The following SCD5 variants were observed in gnomAD, a reference collection of about 807,000 sequenced individuals.
The protein encoded by SCD5 is stearoyl-CoA desaturase 5.
SCD5 carries 20 observed loss-of-function variants against 30.4 expected under a neutral mutation model. That is an observed-to-expected ratio of 0.66 (90% CI 0.46 to 0.96). The LOEUF is 0.96. Among genes scored for constraint, SCD5 ranks in the 40% least tolerant of loss-of-function variants. The pLI is 0.00. For missense variants in SCD5, 381 were observed against 443.3 expected (o/e 0.86, Z 1.26); for synonymous variants, 173 against 176.4 (o/e 0.98, Z 0.16).
chr4:82,653,912 A>G (rs1727814133), intron 3 of SCD5, among the ~76,000 whole-genome samples: 2 of 143,914 alleles, frequency 1.4e-5, no homozygotes, highest in African/African-American at 5.3e-5. Flanking sequence ...AGTTGAGTCA[A>G]TGAGTATTTT....
chr4:82,741,086 C>T (rs1454893707), intron 1 of SCD5, among the ~76,000 whole-genome samples: 2 of 144,470 alleles, frequency 1.4e-5, no homozygotes, highest in Non-Finnish European at 3.0e-5. Context: ...GGACTACAGG[C>T]GTGTGCCAGC....
chr4:82,727,571 T>C (rs1461093041), intron 1 of SCD5, among the ~76,000 whole-genome samples: 7 of 152,192 alleles, frequency 4.6e-5, no homozygotes, highest in Admixed American at 1.3e-4. Flanking sequence ...AGCAATGGTC[T>C]TTCTCCTTGG....
intron 1 of SCD5, among the ~76,000 whole-genome samples, chr4:82,739,458 G>A (rs1190994945): frequency 6.6e-6 from 1 of 152,266 alleles, no homozygotes; most frequent in African/African-American, 2.4e-5. Flanking sequence ...GGTGCCAGCA[G>A]TGTGGGTGCA....
chr4:82,724,921 C>T (rs1207822957), intron 1 of SCD5, among the ~76,000 whole-genome samples: 1 of 152,150 alleles, frequency 6.6e-6, no homozygotes, highest in African/African-American at 2.4e-5. Flanking sequence ...TCCTAATGAA[C>T]ATAATAAAGG....
At chr4:82,733,531 C>A (rs1474490763) in intron 1 of SCD5, among the ~76,000 whole-genome samples, 1 of 152,148 alleles carries the variant, frequency 6.6e-6, no homozygotes, top group Non-Finnish European at 1.5e-5. Flanking sequence ...GTGCCTGATA[C>A]ACATCATGTC....
intron 1 of SCD5, among the ~76,000 whole-genome samples, chr4:82,712,963 T>G (rs945192155): frequency 1.3e-5 from 2 of 152,214 alleles, no homozygotes; most frequent in Admixed American, 6.5e-5. Flanking sequence ...TGTTGGAGAC[T>G]GCAAGCTGAG....
At chr4:82,656,274 C>T (rs932717943) in intron 3 of SCD5, among the ~76,000 whole-genome samples, 12 of 152,068 alleles carry the variant, frequency 7.9e-5, no homozygotes, top group African/African-American at 2.9e-4. Flanking sequence ...CCCCAACAGG[C>T]CAGGGTGTGT....
Position 82,629,748 on chromosome 4 carries a change from A to G in SCD5, c.*1579T>C, listed in dbSNP as rs1727248739. Reference sequence around the variant, plus strand: ...CAAAGTGCTCCAATACTAACACTATAAGCCCTTTCTTTTGCTCTAACATCT... The same window carrying G: ...CAAAGTGCTCCAATACTAACACTATGAGCCCTTTCTTTTGCTCTAACATCT... On this transcript the variant is annotated 3_prime_UTR_variant, in exon 5 of 5. Coordinates refer to ENST00000319540, the MANE Select transcript of SCD5 (RefSeq NM_001037582.3). The G allele has an allele frequency of 6.6e-6, 1 of 152,228 alleles. No homozygotes were observed. Among genetic ancestry groups the G allele is most frequent in the Non-Finnish European group, 1.5e-5 (1 of 68,040 alleles). 9.4% of individuals were successfully genotyped at this position (152,228 alleles called of 1,614,324 possible).
intron 3 of SCD5, among the ~76,000 whole-genome samples, chr4:82,668,882 A>G (rs1413046734): frequency 1.3e-5 from 2 of 152,254 alleles, no homozygotes; most frequent in South Asian, 2.1e-4. Flanking sequence ...CTCATCATCC[A>G]GGGTCTCTCC....
intron 1 of SCD5, among the ~76,000 whole-genome samples, chr4:82,797,578 G>A (rs1002987459): frequency 1.3e-5 from 2 of 152,012 alleles, no homozygotes. Context: ...GGCCACATGG[G>A]AACAGGGTTT....
chr4:82,729,578 G>A (rs1720582948), intron 1 of SCD5, among the ~76,000 whole-genome samples: 1 of 151,986 alleles, frequency 6.6e-6, no homozygotes, highest in Non-Finnish European at 1.5e-5. Flanking sequence ...ACGGAAGGGG[G>A]GAAAGAGATA....
intron 1 of SCD5, among the ~76,000 whole-genome samples, chr4:82,786,518 G>A (rs974192313): frequency 6.5e-4 from 99 of 152,098 alleles, no homozygotes; most frequent in African/African-American, 2.2e-3. Flanking sequence ...GGCAATCTTC[G>A]GCCAGGCGCA....
intron 1 of SCD5, among the ~76,000 whole-genome samples, chr4:82,712,198 G>A (rs1344758111): frequency 6.4e-5 from 8 of 124,206 alleles, no homozygotes; most frequent in Non-Finnish European, 1.3e-4. Flanking sequence ...CAGGACCCCA[G>A]CCCAAGAGAT....
chr4:82,708,613 A>G (rs1233542940), intron 1 of SCD5, among the ~76,000 whole-genome samples: 1 of 152,190 alleles, frequency 6.6e-6, no homozygotes, highest in African/African-American at 2.4e-5. Flanking sequence ...CAGAGTCCAG[A>G]GCTCCTTTGG....
intron 3 of SCD5, among the ~76,000 whole-genome samples, chr4:82,676,440 C>G (rs530879333): frequency 6.6e-6 from 1 of 152,288 alleles, no homozygotes; most frequent in South Asian, 2.1e-4. Flanking sequence ...TGTGGTTCAC[C>G]CCTTTTCCTT....
chr4:82,689,048 TG>T (rs139614858), intron 2 of SCD5, among the ~76,000 whole-genome samples: 7,589 of 152,172 alleles, frequency 0.05, 399 homozygotes, highest in African/African-American at 0.13. Context: ...AGTTAAAAAT[TG>T]AGGGGGAAGA....
At chr4:82,718,082 T>TTA (rs1560542771) in intron 1 of SCD5, among the ~76,000 whole-genome samples, 1 of 143,102 alleles carries the variant, frequency 7.0e-6, no homozygotes, top group Non-Finnish European at 1.5e-5. Flanking sequence ...CTTTTTTTTT[T>TTA]AAAAAAAAAA....
chr4:82,721,860 G>C (rs1475174226), intron 1 of SCD5, among the ~76,000 whole-genome samples: 1 of 152,230 alleles, frequency 6.6e-6, no homozygotes, highest in South Asian at 2.1e-4. Context: ...GGATTTGGGA[G>C]AAGTATCACC....
At chr4:82,649,133 T>C (rs1302933389) in intron 3 of SCD5, among the ~76,000 whole-genome samples, 1 of 151,950 alleles carries the variant, frequency 6.6e-6, no homozygotes, top group Non-Finnish European at 1.5e-5. Flanking sequence ...ATTGTTATAC[T>C]GCTTGTGATT....
Sources: allele counts gnomAD v4.1 joint callset (sites outside exome capture counted in the v4.1 genomes callset), GRCh38; gene constraint gnomAD v4.1.1; transcripts MANE v1.5; gene names NCBI Gene and HGNC (gene_info 2026-07-23, HGNC 2026-07-21).